The following MACF1 variants were observed in gnomAD, a reference collection of about 807,000 sequenced individuals.
The protein encoded by MACF1 is microtubule actin crosslinking factor 1.
A neutral mutation model predicts 854.8 loss-of-function variants in MACF1; 193 were observed. The ratio of observed to expected loss-of-function variants is 0.23; its 90% CI spans 0.20 to 0.25. MACF1 has a LOEUF of 0.25. Among genes scored for constraint, MACF1 ranks in the 10% least tolerant of loss-of-function variants. The probability of loss-of-function intolerance (pLI) is 1.00; values close to 1 mark genes in which losing one functional copy is unlikely to be tolerated. For synonymous variants in MACF1, 3,185 were observed against 3,226.7 expected (o/e 0.99, Z 0.44); for missense variants, 7,722 against 8,929.1 (o/e 0.86, Z 5.45).
chr1:39,426,997 G>A (rs1465247400), intron 61 of MACF1, among the ~76,000 whole-genome samples: 1 of 152,094 alleles, frequency 6.6e-6, no homozygotes, highest in Non-Finnish European at 1.5e-5. Flanking sequence ...AATGAAGGTA[G>A]TAGTGACAGA....
Position 39,453,732 on chromosome 1 carries a change from A to G in MACF1, c.20768A>G (p.Lys6923Arg), listed in dbSNP as rs754603009. The change falls in exon 88 of 101, where the codon AAG (lysine) becomes AGG (arginine). Residue 6923 changes from lysine to arginine, a missense_variant. This residue lies in a region of MACF1 where 729 missense variants were observed against 900.5 expected (regional missense o/e 0.81). Transcript: ENST00000564288. ...GAATTCATGAAGAAAGTAGAAGAAA[A>G]GCGAGTGGACGTTAACTCAGCAGTA... ...HKEFMKKVEE[K>R]RVDVNSAVAM... 8 of 1,614,080 alleles carry G rather than the reference A, an allele frequency of 5.0e-6. No individual in the cohort carries two copies. Among genetic ancestry groups the G allele is most frequent in the Non-Finnish European group, 5.9e-6 (7 of 1,180,016 alleles).
intron 2 of MACF1, among the ~76,000 whole-genome samples, chr1:39,146,508 T>A (rs1374353274): frequency 6.6e-6 from 1 of 150,850 alleles, no homozygotes; most frequent in Non-Finnish European, 1.5e-5. Flanking sequence ...AGAGTACTAG[T>A]CGGCCATAAA....
intron 50 of MACF1, among the ~76,000 whole-genome samples, chr1:39,369,575 G>A (rs945701677): frequency 3.3e-5 from 5 of 152,248 alleles, no homozygotes; most frequent in Admixed American, 3.3e-4. Flanking sequence ...TTATTCATTG[G>A]CATCATTAAT....
intron 2 of MACF1, among the ~76,000 whole-genome samples, chr1:39,186,634 G>T (rs1007517404): frequency 2.6e-5 from 4 of 151,176 alleles, no homozygotes; most frequent in African/African-American, 9.8e-5. Context: ...AAGAGACAGG[G>T]TCTCACTCTT....
Position 39,336,032 on chromosome 1 carries a change from T to C in MACF1, c.9444T>C (p.Asp3148=), listed in dbSNP as rs1200231517. The change falls in exon 37 of 101, where the codon GAT becomes GAC. Residue 3148 remains aspartate (D), a synonymous_variant. Coordinates refer to ENST00000564288, the MANE Select transcript of MACF1 (RefSeq NM_001394062.1). ...CCAGACAGGAGACCAACTATCAAGA[T>C]TCCTGGGTTACTTCGAAAACTAAGG... ...GTTRQETNYQ[D]SWVTSKTKET... The C allele has an allele frequency of 6.2e-7, 1 of 1,614,132 alleles. No homozygotes were observed.
chr1:39,378,569 A>T (rs749478971), intron 53 of MACF1, 46 bp downstream of exon 53: 27 of 1,550,958 alleles, frequency 1.7e-5, no homozygotes, highest in Non-Finnish European at 2.4e-5. Context: ...ATGTGTTAGG[A>T]CAGTGTCTAT....
Position 39,087,969 on chromosome 1 carries a change from CT to C in MACF1, c.220+3542del, listed in dbSNP as rs1044564520. 1.2e-3 allele frequency among the ~76,000 whole-genome samples: 165 copies of C among 137,774 alleles called. 1 individual carries two copies. The highest frequency in any genetic ancestry group is 1.9e-3 in the Admixed American group (26 of 13,862). 90.4% of individuals were successfully genotyped at this position (137,774 alleles called of 152,430 possible). ...TGTATGTTTAGTAGAGATGGGGTTT[CT>C]TTTTTTTTTTGGAGATGGAGTCTCG... On this transcript the variant is annotated intron_variant, in intron 2 of 93. Coordinates refer to the MACF1 transcript ENST00000361689.
At chr1:39,399,041 A>G (rs889468361) in intron 58 of MACF1, among the ~76,000 whole-genome samples, 1 of 152,152 alleles carries the variant, frequency 6.6e-6, no homozygotes, top group Non-Finnish European at 1.5e-5. Context: ...TTCCTATGGG[A>G]AAAAAACAGA....
chr1:39,127,166 G>A (rs1642880851), intron 2 of MACF1, among the ~76,000 whole-genome samples: 1 of 152,172 alleles, frequency 6.6e-6, no homozygotes, highest in Non-Finnish European at 1.5e-5. Flanking sequence ...TGATTGCAGT[G>A]AGCTGAGATC....
At chr1:39,244,676 C>T (rs1385026655) in intron 2 of MACF1, among the ~76,000 whole-genome samples, 2 of 151,786 alleles carry the variant, frequency 1.3e-5, no homozygotes, top group Admixed American at 6.6e-5. Context: ...CTCCTGGGTT[C>T]AAGCAAATTC....
At position 39,292,007 on chromosome 1, in the gene MACF1, G is replaced by T; in HGVS notation, c.1883G>T (p.Gly628Val). The T allele has an allele frequency of 2.5e-6, 4 of 1,614,080 alleles. No homozygotes were observed. The highest frequency in any genetic ancestry group is 3.4e-6 in the Non-Finnish European group (4 of 1,180,010). Reference protein sequence around the residue: ...QHIHTSVEELGSSVKEARLYE... With the variant: ...QHIHTSVEELVSSVKEARLYE... ...ATCCATACGAGTGTAGAAGAGCTGG[G>T]CTCAAGTGTCAAGGAGGCCAGGTTG... The change falls in exon 16 of 101, where the codon GGC becomes GTC. Residue 628 changes from glycine (G) to valine (V), a missense_variant. By Grantham distance (109) the Gly-to-Val change is moderately radical. This residue lies in a region of MACF1 where 1,137 missense variants were observed against 1,263.0 expected (regional missense o/e 0.90). Transcript: ENST00000564288.
chr1:39,232,083 C>A (rs991126449), intron 2 of MACF1, among the ~76,000 whole-genome samples: 2 of 146,424 alleles, frequency 1.4e-5, no homozygotes, highest in African/African-American at 2.5e-5. Flanking sequence ...TTAAGACTCA[C>A]CTAAAGATAA....
At chr1:39,461,665 G>A (rs917509199) in intron 92 of MACF1, among the ~76,000 whole-genome samples, 5 of 151,846 alleles carry the variant, frequency 3.3e-5, no homozygotes, top group South Asian at 2.1e-4. Flanking sequence ...GGTGACAGGC[G>A]CTTGTATTCC....
chr1:39,332,718 T>C lies in MACF1; in HGVS notation c.6130T>C (p.Phe2044Leu), dbSNP rs1157795096. The change falls in exon 37 of 101, where the codon TTT becomes CTT. Residue 2044 changes from phenylalanine to leucine, a missense_variant. Phe to Leu is a conservative substitution (Grantham distance 22). Around this residue, in one of 15 missense-constraint regions of MACF1, gnomAD observed 1,531 missense variants for 1,601.6 expected, o/e 0.96. Transcript: ENST00000564288. ...GACTGTGAGGCTGCCTGAGTTCCAGTTTTCTTCTCAGAACAAAGAATATCC... is the reference window on the plus strand; with the variant it reads ...GACTGTGAGGCTGCCTGAGTTCCAGCTTTCTTCTCAGAACAAAGAATATCC... The part of the protein sequence containing the change: ...GWTVRLPEFQ[F>L]SSQNKEYPDR... The C allele has an allele frequency of 6.2e-7, 1 of 1,614,116 alleles. No individual in the cohort carries two copies. Among genetic ancestry groups the C allele is most frequent in the South Asian group, 1.1e-5 (1 of 91,084 alleles).
chr1:39,087,735 G>T (rs1292207137), intron 2 of MACF1, among the ~76,000 whole-genome samples: 1 of 152,124 alleles, frequency 6.6e-6, no homozygotes, highest in Non-Finnish European at 1.5e-5. Flanking sequence ...AGTTACACAG[G>T]ACTGGTAAAC....
intron 58 of MACF1, among the ~76,000 whole-genome samples, chr1:39,420,368 T>C (rs1225424797): frequency 6.6e-6 from 1 of 152,226 alleles, no homozygotes; most frequent in Non-Finnish European, 1.5e-5. Flanking sequence ...GGGATGTTTT[T>C]CCTGCCTCTA....
intron 1 of MACF1, among the ~76,000 whole-genome samples, chr1:39,228,571 T>C (rs1413542552): frequency 6.6e-6 from 1 of 152,160 alleles, no homozygotes; most frequent in Non-Finnish European, 1.5e-5. Context: ...ATGACAGTGA[T>C]CAAATCTAAT....
Position 39,310,867 on chromosome 1 carries a change from C to T in MACF1, c.3137C>T (p.Ser1046Leu). Residue 1046 changes from serine to leucine, a missense_variant, in exon 26 of 101, where the codon TCA becomes TTA. This residue lies in a region of MACF1 where 1,137 missense variants were observed against 1,263.0 expected (regional missense o/e 0.90). Coordinates refer to ENST00000564288, the MANE Select transcript of MACF1 (RefSeq NM_001394062.1). Reference protein sequence around the residue: ...KEETVAKMYISELKNIRLRLE... With the variant: ...KEETVAKMYILELKNIRLRLE... Reference sequence around the variant, plus strand: ...GAGACTGTGGCCAAGATGTACATTTCAGAGTTGAAGAACATCCGGCTACGC... The same window carrying T: ...GAGACTGTGGCCAAGATGTACATTTTAGAGTTGAAGAACATCCGGCTACGC... The T allele has an allele frequency of 6.2e-7, 1 of 1,613,796 alleles. No homozygotes were observed. Among genetic ancestry groups the T allele is most frequent in the Non-Finnish European group, 8.5e-7 (1 of 1,179,870 alleles).
At chr1:39,393,533 G>C (rs901176292) in intron 58 of MACF1, among the ~76,000 whole-genome samples, 1 of 152,008 alleles carries the variant, frequency 6.6e-6, no homozygotes, top group African/African-American at 2.4e-5. Context: ...ATGGGGCCAG[G>C]CACAGTGGCT....
Sources: gnomAD v4.1 joint callset for allele counts (sites outside exome capture counted in the v4.1 genomes callset) on GRCh38, gnomAD v4.1.1 for gene constraint, gnomAD v4.1.1 regional missense constraint, MANE v1.5 for transcripts, NCBI Gene and HGNC (gene_info 2026-07-23, HGNC 2026-07-21) for gene names.